Variants in EML6 observed in about 807,000 individuals in gnomAD.
The protein encoded by EML6 is echinoderm microtubule-associated protein-like 6.
EML6 carries 154 observed loss-of-function variants against 240.1 expected under a neutral mutation model. The observed-to-expected ratio is 0.64, with a 90% CI of 0.56 to 0.73. EML6 has a LOEUF of 0.73. Among genes scored for constraint, EML6 ranks in the 30% least tolerant of loss-of-function variants. EML6 has a pLI of 0.00. For missense variants in EML6, 2,964 were observed against 2,474.6 expected (o/e 1.20, Z -4.20); for synonymous variants, 1,148 against 899.0 (o/e 1.28, Z -4.95).
chr2:54,736,940 A>G (rs1400087211), intron 2 of EML6, among the ~76,000 whole-genome samples: 1 of 152,240 alleles, frequency 6.6e-6, no homozygotes. Context: ...AAAAAATGTT[A>G]TTCTTGTAAA....
intron 38 of EML6, 93 bp from the exon 39 acceptor site, chr2:54,966,907 G>A: frequency 1.3e-6 from 1 of 776,596 alleles, no homozygotes; most frequent in Non-Finnish European, 2.1e-6. Flanking sequence ...TAGGGATGCA[G>A]AGGCTGGGCA....
intron 2 of EML6, among the ~76,000 whole-genome samples, chr2:54,755,803 G>T (rs1283119668): frequency 6.6e-6 from 1 of 152,064 alleles, no homozygotes; most frequent in African/African-American, 2.4e-5. Context: ...GGGACTACAG[G>T]TGCAGGCAAC....
chr2:54,959,896 C>A (rs556013186), intron 34 of EML6, among the ~76,000 whole-genome samples: 58 of 152,316 alleles, frequency 3.8e-4, no homozygotes, highest in Non-Finnish European at 7.8e-4. Context: ...AGGGGAGATG[C>A]AGAAGCAAAG....
chr2:54,850,318 A>G, intron 10 of EML6, 100 bp downstream of exon 10: 2 of 1,161,482 alleles, frequency 1.7e-6, no homozygotes, highest in Non-Finnish European at 2.4e-6. Flanking sequence ...GAATTTGTAC[A>G]GCAGGTTTTC....
At chr2:54,746,358 A>G (rs1398845047) in intron 2 of EML6, among the ~76,000 whole-genome samples, 3 of 152,234 alleles carry the variant, frequency 2.0e-5, no homozygotes, top group Non-Finnish European at 4.4e-5. Flanking sequence ...TCAAGAGGAC[A>G]TATCTGCTTT....
chr2:54,931,443 AGG>A, intron 28 of EML6, among the ~76,000 whole-genome samples: 1 of 152,268 alleles, frequency 6.6e-6, no homozygotes, highest in East Asian at 1.9e-4. Context: ...GGAATGACAG[AGG>A]GACAGAGAAG....
intron 8 of EML6, among the ~76,000 whole-genome samples, chr2:54,846,116 C>G (rs1033244546): frequency 6.6e-6 from 1 of 152,150 alleles, no homozygotes; most frequent in Non-Finnish European, 1.5e-5. Context: ...TGCCACTTCT[C>G]CAGCAGTGAC....
chr2:54,915,580 A>T (rs1317220052), intron 25 of EML6, among the ~76,000 whole-genome samples: 1 of 152,092 alleles, frequency 6.6e-6, no homozygotes, highest in East Asian at 1.9e-4. Flanking sequence ...CCAGATTCAG[A>T]TTTTTGTTTC....
At chr2:54,877,496 A>G (rs1208208685) in intron 16 of EML6, among the ~76,000 whole-genome samples, 1 of 152,196 alleles carries the variant, frequency 6.6e-6, no homozygotes, top group Non-Finnish European at 1.5e-5. Flanking sequence ...GGAGAGAGAA[A>G]ACACCAATAA....
intron 9 of EML6, among the ~76,000 whole-genome samples, chr2:54,849,288 C>T (rs1341315875): frequency 6.6e-6 from 1 of 152,106 alleles, no homozygotes; most frequent in Non-Finnish European, 1.5e-5. Flanking sequence ...GAATTATTTT[C>T]TCCCATTTGG....
chr2:54,924,796 C>T (rs911419640), intron 26 of EML6, among the ~76,000 whole-genome samples: 9 of 152,136 alleles, frequency 5.9e-5, no homozygotes, highest in Non-Finnish European at 1.0e-4. Context: ...CTCCTGACCT[C>T]AGGTGATCCA....
chr2:54,940,338 A>T (rs935117844), intron 28 of EML6, among the ~76,000 whole-genome samples: 2 of 152,200 alleles, frequency 1.3e-5, no homozygotes, highest in African/African-American at 4.8e-5. Flanking sequence ...GGCTTAAAAA[A>T]ATTTTATGGG....
intron 18 of EML6, among the ~76,000 whole-genome samples, chr2:54,891,704 G>C (rs913376910): frequency 6.6e-6 from 1 of 152,130 alleles, no homozygotes; most frequent in Non-Finnish European, 1.5e-5. Context: ...CTTAGTATCA[G>C]CTTTGGTGCC....
At chr2:54,925,912 C>G (rs1335645443) in intron 26 of EML6, among the ~76,000 whole-genome samples, 1 of 152,178 alleles carries the variant, frequency 6.6e-6, no homozygotes, top group African/African-American at 2.4e-5. Context: ...TCCATGCCCT[C>G]AAGTCCTTAA....
At position 54,970,288 on chromosome 2, in the gene EML6, G is replaced by A. The variant is rs1243524726; in HGVS notation, c.*193G>A. ...GGACTCTCCAAAACCGTGATGCCAC[G>A]AAGGAAGGTCAAGTTTTAAAATGTT... is the stretch of plus-strand genomic sequence containing the variant. On this transcript the variant is annotated 3_prime_UTR_variant, in exon 42 of 42. Coordinates refer to ENST00000356458, the MANE Select transcript of EML6 (RefSeq NM_001039753.4). 20 of 619,272 alleles carry A rather than the reference G, an allele frequency of 3.2e-5. No individual in the cohort carries two copies. The highest frequency in any genetic ancestry group is 1.3e-4 in the South Asian group (7 of 52,562). The allele number at this position is 619,272 out of a possible 1,614,324, so 38.4% of individuals were successfully genotyped here. A position where few individuals can be genotyped will look rare whatever the true frequency, so the allele number is the denominator to read the frequency against.
intron 13 of EML6, among the ~76,000 whole-genome samples, chr2:54,864,594 C>G (rs767510830): frequency 6.6e-6 from 1 of 152,174 alleles, no homozygotes; most frequent in East Asian, 1.9e-4. Flanking sequence ...GAAGCAGATT[C>G]TGTACATGAA....
At chr2:54,954,512 A>G (rs1005233955) in intron 32 of EML6, among the ~76,000 whole-genome samples, 9 of 152,114 alleles carry the variant, frequency 5.9e-5, no homozygotes, top group Non-Finnish European at 8.8e-5. Context: ...GCTCTTTCTG[A>G]TGGCCCCTGG....
chr2:54,845,575 G>C (rs1431321252), intron 8 of EML6, among the ~76,000 whole-genome samples: 3 of 152,204 alleles, frequency 2.0e-5, no homozygotes, highest in Non-Finnish European at 2.9e-5. Context: ...AGAAAGATGA[G>C]CATAGTGACT....
chr2:54,821,721 C>T (rs1668343569), intron 5 of EML6, among the ~76,000 whole-genome samples: 1 of 151,992 alleles, frequency 6.6e-6, no homozygotes, highest in South Asian at 2.1e-4. Context: ...ATATGTATGA[C>T]AACTTAGAGT....
Sources: allele counts gnomAD v4.1 joint callset (sites outside exome capture counted in the v4.1 genomes callset), GRCh38; gene constraint gnomAD v4.1.1; transcripts MANE v1.5; gene names NCBI Gene and HGNC (gene_info 2026-07-23, HGNC 2026-07-21).